Variants in DPYD observed in about 807,000 individuals in gnomAD.
DPYD encodes the protein dihydropyrimidine dehydrogenase [NADP(+)].
Under a neutral mutation model 116.2 loss-of-function variants are expected in DPYD, and 109 were observed. The ratio of observed to expected loss-of-function variants is 0.94; its 90% CI spans 0.80 to 1.10. The LOEUF (loss-of-function observed/expected upper bound fraction) is 1.10, where lower values mean the gene tolerates loss of function less well. Ranked by LOEUF, DPYD falls within the 50% of genes least tolerant of loss-of-function variation. The pLI is 0.00. For missense variants in DPYD, 1,302 were observed against 1,254.5 expected (o/e 1.04, Z -0.57); for synonymous variants, 440 against 432.0 (o/e 1.02, Z -0.23).
intron 3 of DPYD, among the ~76,000 whole-genome samples, chr1:97,808,295 A>G (rs1370031939): frequency 6.6e-6 from 1 of 152,090 alleles, no homozygotes; most frequent in Non-Finnish European, 1.5e-5. Context: ...CTTTCACCAT[A>G]TTTTTATAGA....
At chr1:97,851,612 G>A (rs140069288) in intron 2 of DPYD, among the ~76,000 whole-genome samples, 57 of 151,222 alleles carry the variant, frequency 3.8e-4, no homozygotes, top group East Asian at 1.6e-3. Context: ...TTTCTGTCCC[G>A]AAGTCCAAAT....
intron 3 of DPYD, among the ~76,000 whole-genome samples, chr1:97,766,053 G>C (rs1033521192): frequency 2.6e-5 from 4 of 152,030 alleles, no homozygotes; most frequent in Non-Finnish European, 4.4e-5. Context: ...AGACCAGCCT[G>C]ACCAACATGG....
chr1:97,769,331 C>T (rs1249599451), intron 3 of DPYD, among the ~76,000 whole-genome samples: 1 of 152,052 alleles, frequency 6.6e-6, no homozygotes, highest in East Asian at 1.9e-4. Context: ...TGGTAACAGG[C>T]TTCTTCTTTA....
At chr1:97,192,829 C>T (rs555880288) in intron 20 of DPYD, among the ~76,000 whole-genome samples, 11 of 152,282 alleles carry the variant, frequency 7.2e-5, no homozygotes, top group African/African-American at 2.6e-4. Flanking sequence ...GCACTTTACA[C>T]TGCAAACATC....
rs1308792242 is a variant in DPYD, at chr1:97,477,637, G to A, written c.1741-27414C>T. 4.6e-4 allele frequency among the ~76,000 whole-genome samples: 56 copies of A among 122,734 alleles called. 1 individual carries two copies. Among genetic ancestry groups the A allele is most frequent in the Admixed American group, 2.0e-3 (21 of 10,646 alleles). The allele number at this position is 122,734 out of a possible 152,430, so 80.5% of individuals were successfully genotyped here. A position where few individuals can be genotyped will look rare whatever the true frequency, so the allele number is the denominator to read the frequency against. On this transcript the variant is annotated intron_variant, in intron 13 of 22. Transcript: ENST00000370192. The stretch of plus-strand genomic sequence containing the variant: ...TTTTTTTTTTTTTTTTTTTTAAGAC[G>A]GAGTCTCGCTCTGTCGCCCAGGCCG...
chr1:97,242,167 T>C (rs1276731181), intron 18 of DPYD, among the ~76,000 whole-genome samples: 34 of 131,672 alleles, frequency 2.6e-4, no homozygotes, highest in African/African-American at 9.5e-4. Context: ...TATATATATA[T>C]ATATCTTCTA....
intron 20 of DPYD, among the ~76,000 whole-genome samples, chr1:97,154,174 T>C (rs971343670): frequency 2.0e-5 from 3 of 152,094 alleles, no homozygotes; most frequent in African/African-American, 4.8e-5. Flanking sequence ...GAAGTCATCA[T>C]ACGAAAAAGA....
intron 20 of DPYD, among the ~76,000 whole-genome samples, chr1:97,117,599 A>G (rs1652080415): frequency 6.6e-6 from 1 of 152,176 alleles, no homozygotes; most frequent in African/African-American, 2.4e-5. Context: ...TAGAATGTCG[A>G]AGATGCAATT....
intron 13 of DPYD, among the ~76,000 whole-genome samples, chr1:97,453,129 C>T (rs1309758926): frequency 6.6e-6 from 1 of 152,112 alleles, no homozygotes; most frequent in Non-Finnish European, 1.5e-5. Context: ...TAGGCCTTCT[C>T]ACGCAGCCTA....
chr1:97,511,133 C>A (rs567859474), intron 13 of DPYD, among the ~76,000 whole-genome samples: 1 of 151,870 alleles, frequency 6.6e-6, no homozygotes, highest in South Asian at 2.1e-4. Context: ...GCCCAAATTG[C>A]CAACCCACAT....
At chr1:97,884,110 T>C (rs1672369382) in intron 1 of DPYD, among the ~76,000 whole-genome samples, 2 of 152,040 alleles carry the variant, frequency 1.3e-5, no homozygotes, top group African/African-American at 2.4e-5. Context: ...AAATGTTGCA[T>C]GGCTCTCAAA....
At chr1:97,871,970 A>G (rs1352362163) in intron 2 of DPYD, among the ~76,000 whole-genome samples, 1 of 151,892 alleles carries the variant, frequency 6.6e-6, no homozygotes, top group African/African-American at 2.4e-5. Flanking sequence ...CATTTACTCT[A>G]TCAGGTAGAT....
At chr1:97,664,517 A>G (rs1163904580) in intron 8 of DPYD, among the ~76,000 whole-genome samples, 1 of 151,986 alleles carries the variant, frequency 6.6e-6, no homozygotes, top group Non-Finnish European at 1.5e-5. Flanking sequence ...ATACATGCAT[A>G]TATTGTATAT....
chr1:97,203,371 C>T (rs531166885), intron 19 of DPYD, among the ~76,000 whole-genome samples: 37 of 151,632 alleles, frequency 2.4e-4, no homozygotes, highest in African/African-American at 8.7e-4. Flanking sequence ...CTTGATTTAT[C>T]ATATCATTCA....
At chr1:97,386,605 T>C (rs1210402077) in intron 14 of DPYD, among the ~76,000 whole-genome samples, 1 of 152,170 alleles carries the variant, frequency 6.6e-6, no homozygotes, top group Non-Finnish European at 1.5e-5. Context: ...AAAACTAAAG[T>C]TGTCATGTTT....
At chr1:97,784,922 C>G (rs1189027768) in intron 3 of DPYD, among the ~76,000 whole-genome samples, 2 of 152,124 alleles carry the variant, frequency 1.3e-5, no homozygotes, top group Non-Finnish European at 2.9e-5. Context: ...GAAAACAATT[C>G]CTGCCCTGGT....
intron 16 of DPYD, among the ~76,000 whole-genome samples, chr1:97,317,214 T>C (rs1426267837): frequency 6.6e-6 from 1 of 152,018 alleles, no homozygotes; most frequent in Non-Finnish European, 1.5e-5. Flanking sequence ...GTGTCATCCA[T>C]AGTTTGCTTA....
chr1:97,593,750 G>A (rs1172039348), intron 9 of DPYD, among the ~76,000 whole-genome samples: 1 of 152,080 alleles, frequency 6.6e-6, no homozygotes, highest in East Asian at 1.9e-4. Flanking sequence ...AGAAAAAAGT[G>A]ATCCTTATGA....
At chr1:97,749,460 C>T (rs1057106356) in intron 3 of DPYD, among the ~76,000 whole-genome samples, 1 of 152,112 alleles carries the variant, frequency 6.6e-6, no homozygotes, top group African/African-American at 2.4e-5. Flanking sequence ...TTTCCTTTCT[C>T]AAAATCCTTC....
Sources: allele counts gnomAD v4.1 joint callset (sites outside exome capture counted in the v4.1 genomes callset), GRCh38; gene constraint gnomAD v4.1.1; transcripts MANE v1.5; gene names NCBI Gene and HGNC (gene_info 2026-07-23, HGNC 2026-07-21).